The following CNBD1 variants were observed in gnomAD, a reference collection of about 807,000 sequenced individuals.
CNBD1 encodes cyclic nucleotide-binding domain-containing protein 1.
A neutral mutation model predicts 54.4 loss-of-function variants in CNBD1; 71 were observed. The ratio of observed to expected loss-of-function variants is 1.30; its 90% CI spans 1.08 to 1.59. The LOEUF (loss-of-function observed/expected upper bound fraction) is 1.59, where lower values mean the gene tolerates loss of function less well. Ranked by LOEUF, CNBD1 falls within the 40% of genes most tolerant of loss-of-function variation. The pLI, the probability that CNBD1 is intolerant of heterozygous loss-of-function variation, is 0.00. For synonymous variants in CNBD1, 182 were observed against 170.7 expected, an observed-to-expected ratio of 1.07 and a Z score of -0.51; for missense variants, 659 against 518.0, an observed-to-expected ratio of 1.27 and a Z score of -2.64.
intron 6 of CNBD1, among the ~76,000 whole-genome samples, chr8:87,270,370 C>G (rs1808337375): frequency 6.6e-6 from 1 of 151,924 alleles, no homozygotes; most frequent in African/African-American, 2.4e-5. Flanking sequence ...AAAAACTCAA[C>G]ATTACTAATC....
intron 4 of CNBD1, among the ~76,000 whole-genome samples, chr8:86,959,382 T>C (rs1349089560): frequency 6.6e-6 from 1 of 152,162 alleles, no homozygotes; most frequent in African/African-American, 2.4e-5. Context: ...TTTCCTGAAT[T>C]TGATTGTTGG....
In CNBD1 at chr8:87,371,234, C is replaced by A. The variant is rs532487717; in HGVS notation, c.1304-11386C>A. Among the ~76,000 whole-genome samples the A allele has an allele frequency of 2.0e-5, 3 of 152,016 alleles. No individual in the cohort carries two copies. The South Asian group carries it at 6.2e-4, about 32-fold the overall frequency. Reference sequence around the variant, plus strand: ...GGGCTCTTTTTTGGTTCCATATGAACTTTAAAGTAGTTTTTTCCATTTCTG... The same window carrying A: ...GGGCTCTTTTTTGGTTCCATATGAAATTTAAAGTAGTTTTTTCCATTTCTG... On this transcript the variant is annotated intron_variant, in intron 10 of 10. Coordinates refer to ENST00000518476, the MANE Select transcript of CNBD1 (RefSeq NM_173538.3).
intron 4 of CNBD1, among the ~76,000 whole-genome samples, chr8:87,146,667 C>A (rs1173528811): frequency 2.6e-5 from 4 of 152,062 alleles, no homozygotes; most frequent in African/African-American, 7.2e-5. Context: ...CATGGTTCCT[C>A]TTTTTCTCTT....
intron 8 of CNBD1, among the ~76,000 whole-genome samples, chr8:87,331,499 T>C (rs542045930): frequency 2.0e-5 from 3 of 152,344 alleles, no homozygotes; most frequent in East Asian, 1.9e-4. Flanking sequence ...TGTTTGCTAT[T>C]GTGAATAGTG....
chr8:87,353,209 C>T, intron 9 of CNBD1, among the ~76,000 whole-genome samples: 1 of 152,166 alleles, frequency 6.6e-6, no homozygotes, highest in East Asian at 1.9e-4. Context: ...ACCATCGGTT[C>T]TGGCCCTGGC....
chr8:86,956,151 A>T (rs13135450), intron 4 of CNBD1, among the ~76,000 whole-genome samples: 3 of 151,756 alleles, frequency 2.0e-5, no homozygotes, highest in South Asian at 2.1e-4. Flanking sequence ...AGATATGCGG[A>T]GTTATTTCTG....
At chr8:87,236,586 G>C (rs1314620997) in intron 5 of CNBD1, among the ~76,000 whole-genome samples, 2 of 151,426 alleles carry the variant, frequency 1.3e-5, no homozygotes, top group Non-Finnish European at 2.9e-5. Context: ...AACATTCAAG[G>C]GCTTTTCTGG....
chr8:86,945,888 C>G (rs1807453354), intron 4 of CNBD1, among the ~76,000 whole-genome samples: 1 of 152,200 alleles, frequency 6.6e-6, no homozygotes, highest in Non-Finnish European at 1.5e-5. Context: ...TCTGCGGCAG[C>G]TAGATTGAAA....
chr8:87,047,572 A>G lies in CNBD1; in HGVS notation c.431+107818A>G, dbSNP rs1810221991. Reference sequence around the variant, plus strand: ...CTTATCTGTTACTGCCATCCCTGCAATGAAGATAATAACTAAGCAAAATAT... The same window carrying G: ...CTTATCTGTTACTGCCATCCCTGCAGTGAAGATAATAACTAAGCAAAATAT... On this transcript the variant is annotated intron_variant, in intron 4 of 10. Transcript: ENST00000518476. 5.3e-5 allele frequency among the ~76,000 whole-genome samples: 8 copies of G among 152,350 alleles called. No homozygotes were observed. In the South Asian group the frequency reaches 1.7e-3, roughly 32 times the overall value.
chr8:87,427,976 G>T (rs1377547462), intron 2 of CNBD1, among the ~76,000 whole-genome samples: 1 of 152,036 alleles, frequency 6.6e-6, no homozygotes, highest in Non-Finnish European at 1.5e-5. Context: ...TATTGGTTTG[G>T]TTTGGGTAGG....
intron 2 of CNBD1, among the ~76,000 whole-genome samples, chr8:87,400,325 T>C (rs1221310375): frequency 1.3e-5 from 2 of 151,994 alleles, no homozygotes; most frequent in Non-Finnish European, 2.9e-5. Flanking sequence ...AAAAATCTGG[T>C]ACCAGGACTG....
At chr8:87,423,409 G>T (rs1365447331) in intron 2 of CNBD1, among the ~76,000 whole-genome samples, 1 of 151,336 alleles carries the variant, frequency 6.6e-6, no homozygotes, top group African/African-American at 2.4e-5. Flanking sequence ...ATTGGCTGTG[G>T]GTTTGTCACA....
intron 4 of CNBD1, among the ~76,000 whole-genome samples, chr8:87,034,927 A>G (rs556042108): frequency 2.6e-5 from 4 of 152,258 alleles, no homozygotes; most frequent in East Asian, 3.9e-4. Flanking sequence ...TAGATGGTCA[A>G]TGTACATCTC....
At chr8:86,897,381 C>A (rs556917103) in intron 2 of CNBD1, among the ~76,000 whole-genome samples, 1 of 152,036 alleles carries the variant, frequency 6.6e-6, no homozygotes, top group East Asian at 1.9e-4. Context: ...TAAGTAACTG[C>A]GCAAAGTGGC....
chr8:87,311,759 G>A (rs907614772), intron 8 of CNBD1, among the ~76,000 whole-genome samples: 2 of 152,098 alleles, frequency 1.3e-5, no homozygotes, highest in Non-Finnish European at 2.9e-5. Context: ...GAAATAGTAT[G>A]CAGCTATAAA....
At position 87,129,016 on chromosome 8, in the gene CNBD1, G is replaced by A. The variant is rs142393512; in HGVS notation, c.432-76977G>A. Among the ~76,000 whole-genome samples the A allele has an allele frequency of 2.6e-3, 328 of 124,514 alleles. 4 individuals are homozygous for A. Among genetic ancestry groups the A allele is most frequent in the African/African-American group, 9.4e-3 (304 of 32,404 alleles). 81.7% of individuals were successfully genotyped at this position (124,514 alleles called of 152,430 possible). ...GCCCGGGAGACTGAGGTTGCAGTGA[G>A]CCGAGATCGCCCCACTGTACTCCAG... On this transcript the variant is annotated intron_variant, in intron 4 of 10. Transcript: ENST00000518476.
intron 4 of CNBD1, among the ~76,000 whole-genome samples, chr8:87,131,273 T>TA (rs1206880075): frequency 6.6e-6 from 1 of 152,134 alleles, no homozygotes; most frequent in African/African-American, 2.4e-5. Context: ...TTTTCTGACT[T>TA]TTTTGAGTTA....
intron 2 of CNBD1, among the ~76,000 whole-genome samples, chr8:86,900,286 T>C (rs1808913273): frequency 6.6e-6 from 1 of 152,130 alleles, no homozygotes; most frequent in Admixed American, 6.6e-5. Flanking sequence ...TATTTCCTTT[T>C]TAATAGTTCT....
rs1210168734 is a variant in CNBD1 at position 87,325,225 on chromosome 8, A to C, written c.1043-26460A>C. ...GCTGAGGAGAGCTTTACTTCCAAGTATGTGGTCAATTTTGGAATAGGTGTG... is the reference window on the plus strand; with the variant it reads ...GCTGAGGAGAGCTTTACTTCCAAGTCTGTGGTCAATTTTGGAATAGGTGTG... On this transcript the variant is annotated intron_variant, in intron 8 of 10. Coordinates refer to ENST00000518476, the MANE Select transcript of CNBD1 (RefSeq NM_173538.3). Among the ~76,000 whole-genome samples the C allele has an allele frequency of 1.9e-4, 18 of 95,132 alleles. 6 individuals carry two copies. Among genetic ancestry groups the C allele is most frequent in the Non-Finnish European group, 3.1e-4 (15 of 48,580 alleles). The allele number at this position is 95,132 out of a possible 152,430, so 62.4% of individuals were successfully genotyped here.
Sources: gnomAD v4.1 joint callset for allele counts (sites outside exome capture counted in the v4.1 genomes callset) on GRCh38, gnomAD v4.1.1 for gene constraint, MANE v1.5 for transcripts, NCBI Gene and HGNC (gene_info 2026-07-23, HGNC 2026-07-21) for gene names.